Variants in CBFA2T2 observed in about 807,000 individuals in gnomAD.
CBFA2T2 encodes the protein protein CBFA2T2.
A neutral mutation model predicts 62.2 loss-of-function variants in CBFA2T2; 11 were observed. The observed-to-expected ratio is 0.18, with a 90% CI of 0.11 to 0.29. CBFA2T2 has a LOEUF of 0.29. Ranked by LOEUF, CBFA2T2 falls within the 10% of genes least tolerant of loss-of-function variation. The pLI is 1.00. For synonymous variants in CBFA2T2, 295 were observed against 287.5 expected, an observed-to-expected ratio of 1.03 and a Z score of -0.27; for missense variants, 592 against 774.1, an observed-to-expected ratio of 0.76 and a Z score of 2.79.
Position 33,622,598 on chromosome 20 carries a change from C to T in CBFA2T2, c.511-517C>T, listed in dbSNP as rs1393405662. Among the ~76,000 whole-genome samples the T allele has an allele frequency of 2.6e-5, 4 of 152,298 alleles. No homozygotes were observed. In the East Asian group the frequency reaches 7.7e-4, roughly 29 times the overall value. ...TAATGAATTATCTTTTTACATTTTACATCACTCCCAGTGCTCCTTTTCAAA... is the reference window on the plus strand; with the variant it reads ...TAATGAATTATCTTTTTACATTTTATATCACTCCCAGTGCTCCTTTTCAAA... On this transcript the variant is annotated intron_variant, in intron 4 of 10. Transcript: ENST00000342704.
At chr20:33,627,139 T>C (rs939985504) in intron 6 of CBFA2T2, among the ~76,000 whole-genome samples, 16 of 152,150 alleles carry the variant, frequency 1.1e-4, no homozygotes, top group African/African-American at 3.9e-4. Context: ...GGTTCATGCC[T>C]GTAATCCCAG....
intron 1 of CBFA2T2, among the ~76,000 whole-genome samples, chr20:33,507,130 T>G: frequency 6.6e-6 from 1 of 152,334 alleles, no homozygotes; most frequent in South Asian, 2.1e-4. Context: ...TACTAGAAGG[T>G]GGACTATAAT....
intron 1 of CBFA2T2, among the ~76,000 whole-genome samples, chr20:33,558,307 GT>G: frequency 6.7e-6 from 1 of 150,030 alleles, no homozygotes; most frequent in East Asian, 2.0e-4. Context: ...AATTTTTGTG[GT>G]TTTAGTAGAG....
At chr20:33,531,691 G>C (rs934205311) in intron 1 of CBFA2T2, among the ~76,000 whole-genome samples, 1 of 152,184 alleles carries the variant, frequency 6.6e-6, no homozygotes, top group South Asian at 2.1e-4. Context: ...CTGGGTGGGC[G>C]AGCTAAACTA....
intron 3 of CBFA2T2, among the ~76,000 whole-genome samples, chr20:33,618,940 C>A (rs994705563): frequency 5.9e-5 from 9 of 152,202 alleles, no homozygotes; most frequent in Non-Finnish European, 1.0e-4. Context: ...GCAGCCTAGG[C>A]TGCTGGGCAA....
At chr20:33,583,930 A>ATTTATTTG (rs1568833774) in intron 1 of CBFA2T2, among the ~76,000 whole-genome samples, 2 of 149,076 alleles carry the variant, frequency 1.3e-5, no homozygotes, top group Non-Finnish European at 3.0e-5. Context: ...TTATTTATTT[A>ATTTATTTG]TTTGTTTGTT....
chr20:33,527,512 ACAGATGCGT>A (rs1330468498), intron 1 of CBFA2T2, among the ~76,000 whole-genome samples: 2 of 151,378 alleles, frequency 1.3e-5, no homozygotes, highest in Non-Finnish European at 2.9e-5. Context: ...AGCTGGTATC[ACAGATGCGT>A]GCCACTACGT....
intron 10 of CBFA2T2, among the ~76,000 whole-genome samples, chr20:33,643,207 C>G (rs2016916814): frequency 6.6e-6 from 1 of 152,208 alleles, no homozygotes; most frequent in African/African-American, 2.4e-5. Flanking sequence ...CCCTCTCATA[C>G]TGGCAGTATA....
chr20:33,545,435 C>CTT (rs2012527870), intron 1 of CBFA2T2, among the ~76,000 whole-genome samples: 2 of 148,586 alleles, frequency 1.3e-5, no homozygotes, highest in African/African-American at 5.1e-5. Flanking sequence ...AAGACTCTTT[C>CTT]TTTCTCTTTC....
At chr20:33,537,160 G>A (rs1465364041) in intron 1 of CBFA2T2, among the ~76,000 whole-genome samples, 3 of 152,238 alleles carry the variant, frequency 2.0e-5, no homozygotes, top group Non-Finnish European at 4.4e-5. Context: ...AGGTTGTAGC[G>A]AGCCGAGATC....
At chr20:33,532,872 G>A (rs187283807) in intron 1 of CBFA2T2, among the ~76,000 whole-genome samples, 13 of 152,280 alleles carry the variant, frequency 8.5e-5, no homozygotes, top group African/African-American at 2.9e-4. Flanking sequence ...TCTCCCTTGT[G>A]CTGTCTTCTG....
At chr20:33,499,827 A>C (rs1296629505) in intron 1 of CBFA2T2, among the ~76,000 whole-genome samples, 1 of 152,192 alleles carries the variant, frequency 6.6e-6, no homozygotes, top group Non-Finnish European at 1.5e-5. Flanking sequence ...AGAAAAAAGA[A>C]AAAAAGAAAT....
At chr20:33,588,384 A>C (rs1389843943) in intron 1 of CBFA2T2, among the ~76,000 whole-genome samples, 3 of 151,264 alleles carry the variant, frequency 2.0e-5, no homozygotes, top group Non-Finnish European at 4.4e-5. Flanking sequence ...ATATATATAG[A>C]TCAACAAATG....
intron 2 of CBFA2T2, 74 bp from the exon 3 acceptor site, chr20:33,611,020 C>A: frequency 6.3e-7 from 1 of 1,576,774 alleles, no homozygotes; most frequent in Non-Finnish European, 8.7e-7. Flanking sequence ...AACGAAAATA[C>A]AAACAAGAAA....
chr20:33,624,420 A>C (rs981665060), intron 5 of CBFA2T2, among the ~76,000 whole-genome samples: 1 of 151,964 alleles, frequency 6.6e-6, no homozygotes, highest in Non-Finnish European at 1.5e-5. Flanking sequence ...TCATCTCCAC[A>C]GTAACAAATT....
At chr20:33,628,804 G>A (rs569341508) in intron 7 of CBFA2T2, among the ~76,000 whole-genome samples, 1 of 152,258 alleles carries the variant, frequency 6.6e-6, no homozygotes, top group Non-Finnish European at 1.5e-5. Context: ...GAACATGTAT[G>A]CTTGAAGTGA....
Position 33,640,478 on chromosome 20 carries a change from C to CA in CBFA2T2, c.1436dup (p.Ala480GlyfsTer11), listed in dbSNP as rs780216445. The CA allele has an allele frequency of 6.2e-7, 1 of 1,614,260 alleles. No individual in the cohort carries two copies. ...GCAAACCATAGCGGATGTCAAGCGG[C>CA]AGGCCGCAGAGGATGCTTTCCTCGT... On this transcript the variant is annotated frameshift_variant, in exon 10 of 11. Transcript: ENST00000342704. LOFTEE classifies it high-confidence loss of function.
intron 3 of CBFA2T2, among the ~76,000 whole-genome samples, chr20:33,615,752 A>AAG (rs1013675825): frequency 2.0e-5 from 3 of 152,054 alleles, no homozygotes; most frequent in Non-Finnish European, 4.4e-5. Context: ...TTAAAAAAAA[A>AAG]AGAGAGAGAG....
intron 1 of CBFA2T2, among the ~76,000 whole-genome samples, chr20:33,576,130 G>A (rs1322259978): frequency 6.6e-6 from 1 of 152,090 alleles, no homozygotes; most frequent in African/African-American, 2.4e-5. Flanking sequence ...AATGTGGGAG[G>A]TTTTATTTCT....
Sources: allele counts gnomAD v4.1 joint callset (sites outside exome capture counted in the v4.1 genomes callset), GRCh38; gene constraint gnomAD v4.1.1; transcripts MANE v1.5; gene names NCBI Gene and HGNC (gene_info 2026-07-23, HGNC 2026-07-21).